The following CAPN3 variants were observed in gnomAD, a reference collection of about 807,000 sequenced individuals.
CAPN3 encodes the protein calpain 3, also known as calpain-3.
CAPN3 carries 88 observed loss-of-function variants against 114.0 expected under a neutral mutation model. The observed-to-expected ratio is 0.77, with a 90% CI of 0.65 to 0.92. The LOEUF (loss-of-function observed/expected upper bound fraction) is 0.92. CAPN3 is among the 40% of genes least tolerant of loss of function. The probability of loss-of-function intolerance (pLI) is 0.00; values close to 1 mark genes in which losing one functional copy is unlikely to be tolerated. For synonymous variants in CAPN3, 386 were observed against 382.9 expected (o/e 1.01, Z -0.09); for missense variants, 1,028 against 1,069.0 (o/e 0.96, Z 0.53).
At chr15:42,409,444 A>G in intron 17 of CAPN3, 64 bp downstream of exon 17, 6 of 1,401,268 alleles carry the variant, frequency 4.3e-6, no homozygotes, top group Non-Finnish European at 6.1e-6. Flanking sequence ...AACTGCTCAG[A>G]TTACCAATTA....
At chr15:42,408,036 GA>G (rs2054074343) in intron 15 of CAPN3, among the ~76,000 whole-genome samples, 174 bp from the exon 16 acceptor site, 1 of 152,188 alleles carries the variant, frequency 6.6e-6, no homozygotes, top group East Asian at 1.9e-4. Flanking sequence ...ATAAAGAACT[GA>G]AGTCACACGG....
In CAPN3 at chr15:42,363,902, C is replaced by A. The variant is rs146424191; in HGVS notation, c.309+3788C>A. On this transcript the variant is annotated intron_variant, in intron 1 of 23. Coordinates refer to ENST00000397163, the MANE Select transcript of CAPN3 (RefSeq NM_000070.3). ...GAGCTGGGATTTAAACCCACACAATCTGGCTCTAGAGCCCCAAATCTATCT... is the reference window on the plus strand; with the variant it reads ...GAGCTGGGATTTAAACCCACACAATATGGCTCTAGAGCCCCAAATCTATCT... 6.3e-3 allele frequency among the ~76,000 whole-genome samples: 965 copies of A among 152,336 alleles called. 15 individuals are homozygous for A. The highest frequency in any genetic ancestry group is 0.022 in the African/African-American group (923 of 41,564).
intron 16 of CAPN3, chr15:42,408,846 C>CG (rs2054106751): frequency 3.6e-6 from 1 of 280,178 alleles, no homozygotes; most frequent in South Asian, 3.9e-5. Flanking sequence ...CTCTTCTATC[C>CG]AGGGCCCCTC....
chr15:42,396,890 C>T lies in CAPN3; in HGVS notation c.1193+13C>T, dbSNP rs377497251. 6.3e-7 allele frequency: 1 copy of T among 1,586,544 alleles called. No individual in the cohort carries two copies. Among genetic ancestry groups the T allele is most frequent in the Non-Finnish European group, 8.7e-7 (1 of 1,155,036 alleles). On this transcript the variant is annotated intron_variant, in intron 9 of 23. Transcript: ENST00000397163. ...ATGGAGAGTTCTGGTGAGTCCAGAACCCAGGAAGACCCAGAAGGGTAAGGG... is the reference window on the plus strand; with the variant it reads ...ATGGAGAGTTCTGGTGAGTCCAGAATCCAGGAAGACCCAGAAGGGTAAGGG...
chr15:42,410,301 G>A, intron 19 of CAPN3, 127 bp from the exon 20 acceptor site: 2 of 884,592 alleles, frequency 2.3e-6, no homozygotes, highest in Non-Finnish European at 3.8e-6. Context: ...ACTGGTGGTG[G>A]AGTGGAGGGG....
chr15:42,364,298 T>C (rs1053154781), intron 1 of CAPN3, among the ~76,000 whole-genome samples: 3 of 152,192 alleles, frequency 2.0e-5, no homozygotes, highest in Admixed American at 6.5e-5. Context: ...AAAACCATAA[T>C]TGAAGAACCC....
chr15:42,398,310 C>T (rs747684692), intron 9 of CAPN3, among the ~76,000 whole-genome samples: 25 of 151,144 alleles, frequency 1.7e-4, no homozygotes, highest in Middle Eastern at 3.4e-3. Context: ...ATAGGCTGGG[C>T]GTGGTGGCTT....
intron 15 of CAPN3, among the ~76,000 whole-genome samples, chr15:42,407,998 T>C (rs1479121223): frequency 6.6e-6 from 1 of 152,088 alleles, no homozygotes; most frequent in Admixed American, 6.6e-5. Context: ...TACTCTACCA[T>C]GAGGAGGGAT....
At chr15:42,384,704 T>G in intron 2 of CAPN3, 152 bp downstream of exon 2, 1 of 693,558 alleles carries the variant, frequency 1.4e-6, no homozygotes, top group East Asian at 2.7e-5. Flanking sequence ...GTCGTTTATC[T>G]ACATGCTGGC....
chr15:42,377,124 GT>G (rs140331166), intron 1 of CAPN3, among the ~76,000 whole-genome samples: 34 of 148,666 alleles, frequency 2.3e-4, no homozygotes, highest in East Asian at 1.4e-3. Context: ...AATAAAGATA[GT>G]TTTTTTTTTG....
At chr15:42,404,771 GTCATGGTCA>G in intron 14 of CAPN3, 1 of 1,122,288 alleles carries the variant, frequency 8.9e-7, no homozygotes, top group Non-Finnish European at 1.1e-6. Flanking sequence ...GGCAGTGACA[GTCATGGTCA>G]TAATCCTGAC....
intron 3 of CAPN3, among the ~76,000 whole-genome samples, chr15:42,387,137 C>T (rs2053427337): frequency 6.6e-6 from 1 of 152,208 alleles, no homozygotes; most frequent in African/African-American, 2.4e-5. Context: ...TTTCTGTTCT[C>T]ATTTCAATGA....
intron 14 of CAPN3, 39 bp downstream of exon 14, chr15:42,403,816 G>T: frequency 1.3e-6 from 2 of 1,597,060 alleles, no homozygotes; most frequent in Non-Finnish European, 1.7e-6. Context: ...AGTCCAGAGG[G>T]TCCCCTTCCC....
intron 1 of CAPN3, among the ~76,000 whole-genome samples, chr15:42,367,079 G>A (rs553360480): frequency 2.6e-5 from 4 of 152,146 alleles, no homozygotes; most frequent in Admixed American, 6.5e-5. Flanking sequence ...GTGATCCACC[G>A]CCTCAGCCTC....
At chr15:42,389,156 C>T in intron 5 of CAPN3, 60 bp downstream of exon 5, 1 of 1,499,508 alleles carries the variant, frequency 6.7e-7, no homozygotes, top group Non-Finnish European at 9.3e-7. Context: ...GCCTTTTACC[C>T]AATGAAGGGC....
At chr15:42,389,143 GAA>G in intron 5 of CAPN3, 47 bp downstream of exon 5, 1 of 1,590,284 alleles carries the variant, frequency 6.3e-7, no homozygotes. Flanking sequence ...CAAGTGTCAG[GAA>G]GCCTTTTACC....
At chr15:42,397,856 T>C (rs2053745955) in intron 9 of CAPN3, among the ~76,000 whole-genome samples, 1 of 151,994 alleles carries the variant, frequency 6.6e-6, no homozygotes. Context: ...ACCCCAACTC[T>C]ACAAAAAATT....
chr15:42,387,175 T>C (rs1328799645), intron 3 of CAPN3, among the ~76,000 whole-genome samples: 1 of 152,250 alleles, frequency 6.6e-6, no homozygotes, highest in African/African-American at 2.4e-5. Flanking sequence ...AAAAGGAGAC[T>C]AAACCACATT....
intron 1 of CAPN3, among the ~76,000 whole-genome samples, chr15:42,373,260 G>A (rs1029698267): frequency 6.6e-6 from 1 of 152,172 alleles, no homozygotes; most frequent in South Asian, 2.1e-4. Flanking sequence ...CTCTCCTGGT[G>A]AGCCTATTCA....
Sources: allele counts gnomAD v4.1 joint callset (sites outside exome capture counted in the v4.1 genomes callset), GRCh38; gene constraint gnomAD v4.1.1; transcripts MANE v1.5; gene names NCBI Gene and HGNC (gene_info 2026-07-23, HGNC 2026-07-21).